The following ANKRD6 variants were observed in gnomAD, a reference collection of about 807,000 sequenced individuals.
ANKRD6 encodes the protein ankyrin repeat domain 6.
In ANKRD6, 56 loss-of-function variants were observed where a neutral mutation model predicts 82.3. That is an observed-to-expected ratio of 0.68 (90% confidence interval 0.55 to 0.85). The LOEUF is 0.85. Ranked by LOEUF, ANKRD6 falls within the 40% of genes least tolerant of loss-of-function variation. ANKRD6 has a pLI of 0.00. For missense variants in ANKRD6, 852 were observed against 907.6 expected (o/e 0.94, Z 0.79); for synonymous variants, 347 against 352.1 (o/e 0.99, Z 0.16).
At chr6:89,566,419 G>T (rs183142405) in intron 1 of ANKRD6, among the ~76,000 whole-genome samples, 3 of 152,360 alleles carry the variant, frequency 2.0e-5, no homozygotes, top group Admixed American at 2.0e-4. Context: ...TGGGGAAGCG[G>T]CACGTTAGCC....
At position 89,624,467 on chromosome 6, in the gene ANKRD6, G is replaced by T. The variant is rs9359857; in HGVS notation, c.1219-72G>T. On this transcript the variant is annotated intron_variant, in intron 12 of 15. Coordinates refer to ENST00000339746, the MANE Select transcript of ANKRD6 (RefSeq NM_001242809.2). ...TATCCCCTGGTATACTGCCTGGCACGTGGATGGTGCTCAAAACATACCTGA... is the reference window on the plus strand; with the variant it reads ...TATCCCCTGGTATACTGCCTGGCACTTGGATGGTGCTCAAAACATACCTGA... 130 of 1,511,550 alleles carry T rather than the reference G, an allele frequency of 8.6e-5. No individual in the cohort carries two copies. The Admixed American group carries it at 2.4e-3, about 28-fold the overall frequency. 93.6% of individuals were successfully genotyped at this position (1,511,550 alleles called of 1,614,324 possible). A position where few individuals can be genotyped will look rare whatever the true frequency, so the allele number is the denominator to read the frequency against.
chr6:89,595,646 G>A (rs1795737166), intron 2 of ANKRD6, among the ~76,000 whole-genome samples: 1 of 152,158 alleles, frequency 6.6e-6, no homozygotes, highest in African/African-American at 2.4e-5. Context: ...CTACTTGATA[G>A]TCTGATGAGT....
At chr6:89,500,659 C>G (rs760235299) in intron 1 of ANKRD6, among the ~76,000 whole-genome samples, 17 of 152,258 alleles carry the variant, frequency 1.1e-4, no homozygotes, top group Non-Finnish European at 2.2e-4. Flanking sequence ...TCCCAGGTCC[C>G]TAATCTCCCA....
At chr6:89,602,082 T>C (rs1417802487) in intron 3 of ANKRD6, 1 of 152,268 alleles carries the variant, frequency 6.6e-6, no homozygotes, top group African/African-American at 2.4e-5. Context: ...TAGCAAGCCA[T>C]GCACAGCCCA....
chr6:89,604,822 C>T (rs1056028978), intron 4 of ANKRD6, among the ~76,000 whole-genome samples: 2 of 152,096 alleles, frequency 1.3e-5, no homozygotes, highest in African/African-American at 2.4e-5. Context: ...TGGAGGTCAG[C>T]TGTGTTAGGC....
intron 1 of ANKRD6, among the ~76,000 whole-genome samples, chr6:89,475,434 A>G (rs1410103094): frequency 1.3e-5 from 2 of 152,302 alleles, no homozygotes; most frequent in African/African-American, 2.4e-5. Context: ...GCTTATTTCA[A>G]TTGATTCTGT....
chr6:89,581,451 A>G (rs1435473734), intron 2 of ANKRD6: 1 of 152,258 alleles, frequency 6.6e-6, no homozygotes, highest in East Asian at 1.9e-4. Context: ...CTGACCTTTA[A>G]ACACACAGTG....
intron 1 of ANKRD6, among the ~76,000 whole-genome samples, chr6:89,467,691 G>A (rs1230819134): frequency 1.3e-5 from 2 of 152,306 alleles, no homozygotes; most frequent in African/African-American, 2.4e-5. Context: ...AAAGACTGCA[G>A]CAGTTCCAAA....
chr6:89,598,503 G>T, intron 3 of ANKRD6: 1 of 877,538 alleles, frequency 1.1e-6, no homozygotes, highest in Non-Finnish European at 1.4e-6. Context: ...GCCACATGGG[G>T]GTGTTTCCTC....
chr6:89,492,691 T>C lies in ANKRD6; in HGVS notation c.-144+59316T>C, dbSNP rs538810000. Among the ~76,000 whole-genome samples, 3 of 152,334 alleles carry C rather than the reference T, an allele frequency of 2.0e-5. No homozygotes were observed. In the East Asian group the frequency reaches 5.8e-4, roughly 29 times the overall value. On this transcript the variant is annotated intron_variant, in intron 1 of 15. Coordinates refer to ENST00000339746, the MANE Select transcript of ANKRD6 (RefSeq NM_001242809.2). ...ATTCCTGTGAGGTGTAGTAAACATC[T>C]TTAAGCCAGGTGAAGAGGTTCGTAA...
intron 1 of ANKRD6, among the ~76,000 whole-genome samples, chr6:89,479,108 G>T (rs1335980691): frequency 6.6e-6 from 1 of 152,130 alleles, no homozygotes; most frequent in Non-Finnish European, 1.5e-5. Flanking sequence ...TGTCTCGAAG[G>T]TACCTAGATT....
At chr6:89,566,500 G>A (rs576879209) in intron 1 of ANKRD6, among the ~76,000 whole-genome samples, 2 of 152,296 alleles carry the variant, frequency 1.3e-5, no homozygotes, top group African/African-American at 4.8e-5. Context: ...TGCCAAAGGC[G>A]GTGTGTAAAC....
At chr6:89,501,841 A>G (rs1172690196) in intron 1 of ANKRD6, among the ~76,000 whole-genome samples, 1 of 151,742 alleles carries the variant, frequency 6.6e-6, no homozygotes, top group Non-Finnish European at 1.5e-5. Flanking sequence ...ACAAGGAGTT[A>G]TCTTAAAAAA....
chr6:89,526,832 G>T (rs959723230), intron 1 of ANKRD6, among the ~76,000 whole-genome samples: 50 of 152,322 alleles, frequency 3.3e-4, no homozygotes, highest in African/African-American at 1.2e-3. Flanking sequence ...AAAACCAGAA[G>T]AGCCAAGGGC....
At chr6:89,544,417 T>C (rs946826180) in intron 1 of ANKRD6, among the ~76,000 whole-genome samples, 1 of 152,208 alleles carries the variant, frequency 6.6e-6, no homozygotes. Flanking sequence ...CAGGCTCCCA[T>C]CAGTGCAGTG....
rs545245800 is a variant in ANKRD6 at position 89,630,572 on chromosome 6, A to G, written c.1752A>G (p.Thr584=). 6.2e-7 allele frequency: 1 copy of G among 1,613,910 alleles called. No individual in the cohort carries two copies. Among genetic ancestry groups the G allele is most frequent in the East Asian group, 2.2e-5 (1 of 44,886 alleles). ...LQQELSSSDC[T]GSRLRNVKVQ... Reference sequence around the variant, plus strand: ...AGGAGCTGTCGTCTTCTGACTGTACAGGCTCCCGACTGAGAAACGTCAAGG... The same window carrying G: ...AGGAGCTGTCGTCTTCTGACTGTACGGGCTCCCGACTGAGAAACGTCAAGG... Residue 584 remains threonine (T), a synonymous_variant, in exon 16 of 16, where the codon ACA becomes ACG. Coordinates refer to ENST00000339746, the MANE Select transcript of ANKRD6 (RefSeq NM_001242809.2).
chr6:89,473,081 G>A (rs1775657376), intron 1 of ANKRD6, among the ~76,000 whole-genome samples: 1 of 151,920 alleles, frequency 6.6e-6, no homozygotes, highest in Admixed American at 6.6e-5. Context: ...CATTGCTGTA[G>A]GTCTAGAGAA....
chr6:89,437,952 G>A (rs1368959605), intron 1 of ANKRD6, among the ~76,000 whole-genome samples: 4 of 151,974 alleles, frequency 2.6e-5, no homozygotes, highest in South Asian at 2.1e-4. Context: ...ATAACACCAC[G>A]CCCTACTATT....
intron 3 of ANKRD6, among the ~76,000 whole-genome samples, chr6:89,601,434 G>A (rs923802137): frequency 2.0e-5 from 3 of 152,124 alleles, no homozygotes; most frequent in Non-Finnish European, 4.4e-5. Context: ...CTGTTACTGG[G>A]GTATTGTTTC....
Sources: allele counts gnomAD v4.1 joint callset (sites outside exome capture counted in the v4.1 genomes callset), GRCh38; gene constraint gnomAD v4.1.1; transcripts MANE v1.5; gene names NCBI Gene and HGNC (gene_info 2026-07-23, HGNC 2026-07-21).